The following HTR7 variants were observed in gnomAD, a reference collection of about 807,000 sequenced individuals.
HTR7 encodes the protein 5-HT-7.
Under a neutral mutation model 34.0 loss-of-function variants are expected in HTR7, and 16 were observed. The observed-to-expected ratio is 0.47, with a 90% CI of 0.32 to 0.71. The LOEUF is 0.71. HTR7 is among the 30% of genes least tolerant of loss of function. The pLI, the probability that HTR7 is intolerant of heterozygous loss-of-function variation, is 0.04. For synonymous variants in HTR7, 265 were observed against 260.2 expected, an observed-to-expected ratio of 1.02 and a Z score of -0.18; for missense variants, 504 against 625.5, an observed-to-expected ratio of 0.81 and a Z score of 2.07.
chr10:90,744,964 C>A (rs1379226497), intron 2 of HTR7, among the ~76,000 whole-genome samples: 2 of 152,190 alleles, frequency 1.3e-5, no homozygotes, highest in East Asian at 3.9e-4. Context: ...TTTCTGCTCT[C>A]CTTTCACTAT....
intron 1 of HTR7, among the ~76,000 whole-genome samples, chr10:90,853,195 A>C (rs1428477955): frequency 6.7e-6 from 1 of 149,038 alleles, no homozygotes; most frequent in Non-Finnish European, 1.5e-5. Flanking sequence ...TTATACTTTT[A>C]CTCTTTCTAC....
intron 1 of HTR7, among the ~76,000 whole-genome samples, chr10:90,753,011 A>G (rs981942951): frequency 6.6e-6 from 1 of 152,232 alleles, no homozygotes; most frequent in African/African-American, 2.4e-5. Context: ...TAAATAAGTG[A>G]CATTTATAAG....
chr10:90,791,169 G>T lies in HTR7; in HGVS notation c.540-41575C>A, dbSNP rs139908874. ...GGGCCAGTAACTGTTATAATTTCTA[G>T]GTGGGACACAAACTCAAAAAAATTA... On this transcript the variant is annotated intron_variant, in intron 1 of 3. Transcript: ENST00000336152. Among the ~76,000 whole-genome samples the T allele has an allele frequency of 6.5e-3, 993 of 151,880 alleles. 11 individuals are homozygous for T. Among genetic ancestry groups the T allele is most frequent in the African/African-American group, 0.023 (940 of 41,412 alleles).
intron 1 of HTR7, among the ~76,000 whole-genome samples, chr10:90,817,314 C>T (rs1297862009): frequency 6.6e-6 from 1 of 152,160 alleles, no homozygotes; most frequent in Non-Finnish European, 1.5e-5. Context: ...AGGCTTTCCT[C>T]CCTAAGAGCT....
chr10:90,742,619 G>C, intron 3 of HTR7, 91 bp from the exon 4 acceptor site: 1 of 808,734 alleles, frequency 1.2e-6, no homozygotes, highest in Non-Finnish European at 2.0e-6. Flanking sequence ...AATTTTTACA[G>C]CAGTCAGTAA....
intron 1 of HTR7, among the ~76,000 whole-genome samples, chr10:90,763,179 G>T (rs919748420): frequency 6.6e-6 from 1 of 152,160 alleles, no homozygotes; most frequent in African/African-American, 2.4e-5. Context: ...AAATGCCATT[G>T]GAATTTTGAT....
chr10:90,793,420 T>A (rs1329783682), intron 1 of HTR7, among the ~76,000 whole-genome samples: 1 of 150,542 alleles, frequency 6.6e-6, no homozygotes, highest in Non-Finnish European at 1.5e-5. Flanking sequence ...GAGTTTAATA[T>A]TGGGAAATTA....
chr10:90,812,998 G>C (rs536905246), intron 1 of HTR7, among the ~76,000 whole-genome samples: 2 of 152,240 alleles, frequency 1.3e-5, no homozygotes, highest in South Asian at 4.1e-4. Flanking sequence ...ACATTGTCTT[G>C]TGAAATTCCT....
intron 1 of HTR7, among the ~76,000 whole-genome samples, chr10:90,818,110 T>G (rs1488396657): frequency 1.3e-5 from 2 of 152,208 alleles, no homozygotes; most frequent in Admixed American, 1.3e-4. Context: ...TTAAATGTGT[T>G]CATATGTTGG....
intron 1 of HTR7, among the ~76,000 whole-genome samples, chr10:90,828,298 A>G (rs1846111794): frequency 6.6e-6 from 1 of 152,184 alleles, no homozygotes; most frequent in Non-Finnish European, 1.5e-5. Flanking sequence ...AATACATCTT[A>G]AAGAACTGGA....
intron 1 of HTR7, among the ~76,000 whole-genome samples, chr10:90,758,216 T>C: frequency 6.6e-6 from 1 of 151,302 alleles, no homozygotes; most frequent in African/African-American, 2.4e-5. Context: ...GTGGTGGCGC[T>C]GGCCTGTAGT....
chr10:90,756,243 A>G (rs1844831398), intron 1 of HTR7, among the ~76,000 whole-genome samples: 1 of 152,252 alleles, frequency 6.6e-6, no homozygotes, highest in Admixed American at 6.5e-5. Context: ...TGGAGTTCTG[A>G]AAATGTTCTT....
intron 1 of HTR7, among the ~76,000 whole-genome samples, chr10:90,790,517 T>C (rs1201374142): frequency 6.6e-6 from 1 of 152,202 alleles, no homozygotes; most frequent in Non-Finnish European, 1.5e-5. Context: ...GATACATTCA[T>C]ATGGTATTTT....
At chr10:90,844,500 C>A (rs531582265) in intron 1 of HTR7, among the ~76,000 whole-genome samples, 4 of 151,298 alleles carry the variant, frequency 2.6e-5, no homozygotes, top group Non-Finnish European at 5.9e-5. Context: ...CAGAGGCAGG[C>A]GGATCATGAG....
Position 90,805,434 on chromosome 10 carries a change from G to A in HTR7, c.539+51699C>T, listed in dbSNP as rs532875222. On this transcript the variant is annotated intron_variant, in intron 1 of 3. Transcript: ENST00000336152. The stretch of plus-strand genomic sequence containing the variant: ...AATCATCATTTGTAAATGCACCTCT[G>A]TCTCTGCACCTAAACCGCTAGGAAG... 6.6e-5 allele frequency among the ~76,000 whole-genome samples: 10 copies of A among 152,294 alleles called. No homozygotes were observed. The East Asian group carries it at 1.9e-3, about 29-fold the overall frequency.
intron 1 of HTR7, among the ~76,000 whole-genome samples, chr10:90,850,188 C>T (rs1459052063): frequency 6.6e-6 from 1 of 152,220 alleles, no homozygotes; most frequent in East Asian, 1.9e-4. Flanking sequence ...TCTGAGACTG[C>T]ATAAGGCAGG....
intron 1 of HTR7, among the ~76,000 whole-genome samples, chr10:90,848,186 C>T (rs1422131372): frequency 1.3e-5 from 2 of 151,386 alleles, no homozygotes; most frequent in Middle Eastern, 3.4e-3. Context: ...CTCCTGCCTC[C>T]CGAGTAACTG....
At chr10:90,806,041 T>C (rs1393457866) in intron 1 of HTR7, among the ~76,000 whole-genome samples, 1 of 152,202 alleles carries the variant, frequency 6.6e-6, no homozygotes, top group African/African-American at 2.4e-5. Flanking sequence ...AACTACTAGA[T>C]ATAAGAGAAT....
At chr10:90,756,032 A>G (rs924468019) in intron 1 of HTR7, among the ~76,000 whole-genome samples, 1 of 152,252 alleles carries the variant, frequency 6.6e-6, no homozygotes, top group Non-Finnish European at 1.5e-5. Context: ...GGAATTCTAT[A>G]AAACAATGAG....
Sources: gnomAD v4.1 joint callset for allele counts (sites outside exome capture counted in the v4.1 genomes callset) on GRCh38, gnomAD v4.1.1 for gene constraint, MANE v1.5 for transcripts, NCBI Gene and HGNC (gene_info 2026-07-23, HGNC 2026-07-21) for gene names.